Variants in SYT2 observed in about 807,000 individuals in gnomAD.
SYT2 encodes synaptotagmin-2.
SYT2 carries 15 observed loss-of-function variants against 39.9 expected under a neutral mutation model. The observed-to-expected ratio is 0.38, with a 90% CI of 0.25 to 0.58. The LOEUF (loss-of-function observed/expected upper bound fraction) is 0.58, where lower values mean the gene tolerates loss of function less well. SYT2 is among the 20% of genes least tolerant of loss of function. The pLI, the probability that SYT2 is intolerant of heterozygous loss-of-function variation, is 0.70. For synonymous variants in SYT2, 181 were observed against 204.5 expected, an observed-to-expected ratio of 0.89 and a Z score of 0.98; for missense variants, 389 against 530.3, an observed-to-expected ratio of 0.73 and a Z score of 2.62.
In SYT2 at chr1:202,628,419, G is replaced by C. The variant is rs536581463; in HGVS notation, c.-17-22630C>G. Among the ~76,000 whole-genome samples, 59 of 152,244 alleles carry C rather than the reference G, an allele frequency of 3.9e-4. 1 individual carries two copies. The Middle Eastern group carries it at 0.01, about 26-fold the overall frequency. ...GAGCCAGCCAAAGAAGGTGCAGTCT[G>C]GTCCTCCCGTTTCCAAGAGCGCCTC... On this transcript the variant is annotated intron_variant, in intron 1 of 8. Coordinates refer to ENST00000367268, the MANE Select transcript of SYT2 (RefSeq NM_177402.5). This position sits in a 1 kb window ranked among gnomAD's most constrained non-coding sequence, Gnocchi z 4.2.
chr1:202,612,291 A>G (rs1441818951), intron 1 of SYT2, among the ~76,000 whole-genome samples: 1 of 151,728 alleles, frequency 6.6e-6, no homozygotes, highest in Non-Finnish European at 1.5e-5. Flanking sequence ...TTTTTTTAAT[A>G]GCACCTGCCT....
Position 202,594,725 on chromosome 1 carries a change from C to CACACACACACACA in SYT2, c.*2031_*2032insTGTGTGTGTGTGT, listed in dbSNP as rs981147990. On this transcript the variant is annotated 3_prime_UTR_variant, in exon 9 of 9. Transcript: ENST00000367268. Reference sequence around the variant, plus strand: ...GTACACACACACACACACACACACACACCAGTAAAAACATAACTTCCCATG... The same window carrying CACACACACACACA: ...GTACACACACACACACACACACACACACACACACACACAACCAGTAAAAACATAACTTCCCATG... 1.3e-5 allele frequency: 2 copies of CACACACACACACA among 152,388 alleles called. No homozygotes were observed. The highest frequency in any genetic ancestry group is 2.4e-5 in the African/African-American group (1 of 41,336). The allele number at this position is 152,388 out of a possible 1,614,324, so 9.4% of individuals were successfully genotyped here. A position where few individuals can be genotyped will look rare whatever the true frequency, so the allele number is the denominator to read the frequency against.
At chr1:202,649,636 C>T (rs987562259) in intron 1 of SYT2, among the ~76,000 whole-genome samples, 7 of 152,172 alleles carry the variant, frequency 4.6e-5, no homozygotes, top group African/African-American at 1.7e-4. Context: ...CACTCCAAAC[C>T]CCTGTGCCAT....
chr1:202,679,968 C>G (rs553366217), intron 1 of SYT2, among the ~76,000 whole-genome samples: 8 of 152,320 alleles, frequency 5.3e-5, no homozygotes, highest in African/African-American at 1.9e-4. Flanking sequence ...ACTCCTCCCT[C>G]AAAACATCTA....
intron 1 of SYT2, among the ~76,000 whole-genome samples, chr1:202,641,845 G>GC: frequency 6.6e-6 from 1 of 152,332 alleles, no homozygotes; most frequent in Non-Finnish European, 1.5e-5. Context: ...GAAAGAATCT[G>GC]CCCTCTGCAA....
intron 3 of SYT2, 50 bp downstream of exon 3, chr1:202,604,405 A>C: frequency 6.3e-7 from 1 of 1,581,290 alleles, no homozygotes; most frequent in Non-Finnish European, 8.7e-7. Context: ...AGCATCAGGA[A>C]AGCCTGGGCT....
intron 1 of SYT2, among the ~76,000 whole-genome samples, chr1:202,696,824 T>G (rs1293720354): frequency 6.6e-6 from 1 of 152,244 alleles, no homozygotes; most frequent in Non-Finnish European, 1.5e-5. Flanking sequence ...AAAGGCATCT[T>G]AGCACTATGG....
chr1:202,674,099 ATTTGT>A (rs1231995665), intron 1 of SYT2, among the ~76,000 whole-genome samples: 3 of 151,896 alleles, frequency 2.0e-5, no homozygotes, highest in African/African-American at 7.3e-5. Context: ...AGGTATATTT[ATTTGT>A]TTTATTTTAT....
At chr1:202,609,635 G>A (rs1328791773) in intron 1 of SYT2, among the ~76,000 whole-genome samples, 3 of 152,326 alleles carry the variant, frequency 2.0e-5, no homozygotes, top group East Asian at 3.9e-4. Flanking sequence ...TTTCTCTGAT[G>A]GCCAGTGATG....
intron 1 of SYT2, among the ~76,000 whole-genome samples, chr1:202,620,773 G>A (rs1427982278): frequency 6.6e-6 from 1 of 152,180 alleles, no homozygotes; most frequent in Non-Finnish European, 1.5e-5. Flanking sequence ...AGGGGAGCTA[G>A]GCTGGAGGAG....
chr1:202,636,477 G>C, intron 1 of SYT2: 2 of 858,644 alleles, frequency 2.3e-6, no homozygotes, highest in Non-Finnish European at 2.8e-6. Flanking sequence ...CTTGGGAGAA[G>C]TGAGAAAGAC....
rs921950904 is a variant in SYT2, at chr1:202,628,962, G to A, written c.-17-23173C>T. Among the ~76,000 whole-genome samples, 7 of 152,308 alleles carry A rather than the reference G, an allele frequency of 4.6e-5. No homozygotes were observed. Among genetic ancestry groups the A allele is most frequent in the African/African-American group, 1.4e-4 (6 of 41,570 alleles). On this transcript the variant is annotated intron_variant, in intron 1 of 8. Coordinates refer to ENST00000367268, the MANE Select transcript of SYT2 (RefSeq NM_177402.5). This position sits in a 1 kb window ranked among gnomAD's most constrained non-coding sequence, Gnocchi z 4.2. ...CGTCTGCAAAATGGGAATGATAATG[G>A]AAGCTGCTGCGCAGGGCTGCGAGGC...
intron 1 of SYT2, among the ~76,000 whole-genome samples, chr1:202,616,567 C>T (rs147199139): frequency 3.9e-4 from 59 of 152,336 alleles, no homozygotes; most frequent in Non-Finnish European, 4.3e-4. Flanking sequence ...CCACCTCACT[C>T]GTCAGCCCCT....
At chr1:202,603,674 C>G (rs962567558) in intron 3 of SYT2, among the ~76,000 whole-genome samples, 1 of 152,300 alleles carries the variant, frequency 6.6e-6, no homozygotes, top group South Asian at 2.1e-4. Context: ...ACACCCAAGT[C>G]ATCCTGGAAC....
chr1:202,684,530 C>T (rs914007296), intron 1 of SYT2, among the ~76,000 whole-genome samples: 2 of 152,146 alleles, frequency 1.3e-5, no homozygotes, highest in Non-Finnish European at 2.9e-5. Flanking sequence ...TTTTCTTTAT[C>T]CATTCATCAG....
rs946140975 is a variant in SYT2, at chr1:202,628,997, C to T, written c.-17-23208G>A. ...CGCAGGGCTGCGAGGCTTAGGAGCA[C>T]TGTATGTAAAGCATGGTATTATGGC... On this transcript the variant is annotated intron_variant, in intron 1 of 8. Coordinates refer to ENST00000367268, the MANE Select transcript of SYT2 (RefSeq NM_177402.5). The surrounding 1 kb of genome is among the most constrained non-coding windows in gnomAD (Gnocchi z 4.2). Among the ~76,000 whole-genome samples, 1 of 152,192 alleles carries T rather than the reference C, an allele frequency of 6.6e-6. No individual in the cohort carries two copies. The highest frequency in any genetic ancestry group is 1.5e-5 in the Non-Finnish European group (1 of 68,042).
intron 1 of SYT2, among the ~76,000 whole-genome samples, chr1:202,699,699 A>G (rs1006942094): frequency 1.1e-4 from 17 of 152,192 alleles, no homozygotes; most frequent in African/African-American, 4.1e-4. Context: ...TTATACTTCA[A>G]TAAAGCTCAG....
At chr1:202,689,171 C>A (rs1312874925) in intron 1 of SYT2, among the ~76,000 whole-genome samples, 38 of 152,144 alleles carry the variant, frequency 2.5e-4, no homozygotes. Flanking sequence ...GTGGCTGGAC[C>A]ACTCTTAGCC....
intron 1 of SYT2, among the ~76,000 whole-genome samples, chr1:202,611,425 C>T (rs1248795537): frequency 6.6e-6 from 1 of 152,160 alleles, no homozygotes; most frequent in Non-Finnish European, 1.5e-5. Flanking sequence ...AATCTCAGCT[C>T]ACTGCCACCT....
Sources: gnomAD v4.1 joint callset for allele counts (sites outside exome capture counted in the v4.1 genomes callset) on GRCh38, gnomAD v4.1.1 for gene constraint, Gnocchi (gnomAD v3.1) non-coding constraint, MANE v1.5 for transcripts, NCBI Gene and HGNC (gene_info 2026-07-23, HGNC 2026-07-21) for gene names.